The following MRPL37 variants were observed in gnomAD, a reference collection of about 807,000 sequenced individuals.
The protein encoded by MRPL37 is large ribosomal subunit protein mL37.
In MRPL37, 34 loss-of-function variants were observed where a neutral mutation model predicts 44.1. The ratio of observed to expected loss-of-function variants is 0.77; its 90% CI spans 0.59 to 1.03. The LOEUF is 1.03. MRPL37 is among the 50% of genes least tolerant of loss of function. The pLI, the probability that MRPL37 is intolerant of heterozygous loss-of-function variation, is 0.00. For synonymous variants in MRPL37, 212 were observed against 219.5 expected, an observed-to-expected ratio of 0.97 and a Z score of 0.30; for missense variants, 532 against 543.7, an observed-to-expected ratio of 0.98 and a Z score of 0.21.
At chr1:54,205,940 T>A (rs779652143) in intron 3 of MRPL37, among the ~76,000 whole-genome samples, 1 of 152,148 alleles carries the variant, frequency 6.6e-6, no homozygotes, top group African/African-American at 2.4e-5. Flanking sequence ...CCACTTAGTC[T>A]TTCTAGTCTT....
chr1:54,221,598 A>T (rs921909184), downstream of MRPL37, among the ~76,000 whole-genome samples: 5 of 152,152 alleles, frequency 3.3e-5, no homozygotes, highest in African/African-American at 9.7e-5. Flanking sequence ...GTTCACTCTC[A>T]CACACGTGCA....
Position 54,216,193 on chromosome 1 carries a change from A to G in MRPL37, c.1043A>G (p.Asp348Gly), listed in dbSNP as rs1644196161. 6.2e-7 allele frequency: 1 copy of G among 1,614,200 alleles called. No homozygotes were observed. Among genetic ancestry groups the G allele is most frequent in the Non-Finnish European group, 8.5e-7 (1 of 1,180,036 alleles). The change falls in exon 6 of 7, where the codon GAT (aspartate) becomes GGT (glycine). Residue 348 changes from aspartate (D) to glycine (G), a missense_variant. Transcript: ENST00000360840. ...GTGGTGGTGCAGAGCGTGGGCACGG[A>G]TGGACGTGTCTTCCATTTCCTAGTG... is the stretch of plus-strand genomic sequence containing the variant. ...QPVVVQSVGTDGRVFHFLVFQ... is the reference protein window; with the variant it reads ...QPVVVQSVGTGGRVFHFLVFQ...
Position 54,200,168 on chromosome 1 carries a change from T to C in MRPL37, c.-76T>C. ...CCAAAACGAGCTTTGGCGCCCGGTC[T>C]CATTCGTTCCCAGCAGGCCCTGCGC... On this transcript the variant is annotated 5_prime_UTR_variant, in exon 1 of 7. Coordinates refer to ENST00000360840, the MANE Select transcript of MRPL37 (RefSeq NM_016491.4). 1.4e-6 allele frequency: 2 copies of C among 1,415,404 alleles called. No individual in the cohort carries two copies. The highest frequency in any genetic ancestry group is 1.4e-5 in the South Asian group (1 of 73,040). The allele number at this position is 1,415,404 out of a possible 1,614,324, so 87.7% of individuals were successfully genotyped here.
In MRPL37 at chr1:54,209,502, C is replaced by G. The variant is rs537908256; in HGVS notation, c.647-444C>G. On this transcript the variant is annotated intron_variant, in intron 3 of 6. Transcript: ENST00000360840. ...TTTGAGACAGTTTCACTCTGTCACCCAGGCTGGAGTGCAGTGCCGTCATCT... is the reference window on the plus strand; with the variant it reads ...TTTGAGACAGTTTCACTCTGTCACCGAGGCTGGAGTGCAGTGCCGTCATCT... Among the ~76,000 whole-genome samples, 5 of 151,092 alleles carry G rather than the reference C, an allele frequency of 3.3e-5. No homozygotes were observed. In the South Asian group the frequency reaches 8.4e-4, roughly 25 times the overall value.
In MRPL37 at chr1:54,205,245, C is replaced by T. The variant is rs765454084; in HGVS notation, c.530+44C>T. On this transcript the variant is annotated intron_variant, in intron 2 of 6. Transcript: ENST00000360840. ...AGAAGATTTCCTACTAATGGATCTT[C>T]GAGTCGACCTGTTGCTTTAAGTCCC... 79 of 1,607,304 alleles carry T rather than the reference C, an allele frequency of 4.9e-5. No individual in the cohort carries two copies. The East Asian group carries it at 4.9e-4, about 10-fold the overall frequency.
chr1:54,200,863 A>G (rs901846379), intron 1 of MRPL37, among the ~76,000 whole-genome samples: 1 of 152,198 alleles, frequency 6.6e-6, no homozygotes, highest in African/African-American at 2.4e-5. Flanking sequence ...ACTTTGGGCA[A>G]ATGGCTGGCC....
At chr1:54,223,455 A>C (rs908497975), downstream of MRPL37, among the ~76,000 whole-genome samples, 1 of 152,158 alleles carries the variant, frequency 6.6e-6, no homozygotes, top group African/African-American at 2.4e-5. Flanking sequence ...TCCTCAGGTC[A>C]CCAGGGAGCC....
intron 6 of MRPL37, 134 bp downstream of exon 6, chr1:54,216,478 C>T: frequency 2.0e-6 from 2 of 1,024,880 alleles, no homozygotes; most frequent in Non-Finnish European, 2.9e-6. Flanking sequence ...GGGATCTCTG[C>T]CTGGAGGACT....
intron 6 of MRPL37, among the ~76,000 whole-genome samples, chr1:54,217,285 C>T (rs2100516750): frequency 6.6e-6 from 1 of 152,344 alleles, no homozygotes; most frequent in Middle Eastern, 3.4e-3. Flanking sequence ...CCTGCTGGGT[C>T]TGTGCCCTTT....
intron 5 of MRPL37, among the ~76,000 whole-genome samples, chr1:54,213,962 T>A (rs558061485): frequency 1.4e-5 from 2 of 145,610 alleles, no homozygotes; most frequent in African/African-American, 5.1e-5. Flanking sequence ...GTGGGAGGAT[T>A]ACTTGAGGCC....
Position 54,200,596 on chromosome 1 carries a change from C to A in MRPL37, c.346+7C>A. The A allele has an allele frequency of 6.3e-7, 1 of 1,583,922 alleles. No individual in the cohort carries two copies. Among genetic ancestry groups the A allele is most frequent in the Non-Finnish European group, 8.6e-7 (1 of 1,160,532 alleles). On this transcript the variant is annotated splice_region_variant and intron_variant, in intron 1 of 6. Transcript: ENST00000360840. ...CGTTGCCGCCTTCTCGAGGGTGAGG[C>A]CCCAGGACGGGCGGCAAGGGACCGT...
chr1:54,222,325 A>G (rs907759801), downstream of MRPL37, among the ~76,000 whole-genome samples: 2 of 151,596 alleles, frequency 1.3e-5, no homozygotes, highest in South Asian at 2.1e-4. Flanking sequence ...GGCAAGTGGG[A>G]AGGAGGAGGG....
intron 5 of MRPL37, among the ~76,000 whole-genome samples, chr1:54,213,845 C>T (rs11809523): frequency 0.17 from 25,806 of 152,046 alleles, 2,333 homozygotes; most frequent in African/African-American, 0.23. Context: ...GCCAGGAGTT[C>T]GAGACCAGCC....
chr1:54,200,203 T>C lies in MRPL37; in HGVS notation c.-41T>C. On this transcript the variant is annotated 5_prime_UTR_variant, in exon 1 of 7. An upstream start codon of the reference 5' UTR is lost. Coordinates refer to ENST00000360840, the MANE Select transcript of MRPL37 (RefSeq NM_016491.4). ...CCAGCAGGCCCTGCGCGCGGCAACA[T>C]GGCGGGGTCCAGGTGGAGGTCTTGA... 2 of 1,505,004 alleles carry C rather than the reference T, an allele frequency of 1.3e-6. No homozygotes were observed. Among genetic ancestry groups the C allele is most frequent in the Non-Finnish European group, 1.8e-6 (2 of 1,133,964 alleles). The allele number at this position is 1,505,004 out of a possible 1,614,324, so 93.2% of individuals were successfully genotyped here.
At chr1:54,218,724 T>C (rs1414018627), downstream of MRPL37, among the ~76,000 whole-genome samples, 1 of 152,214 alleles carries the variant, frequency 6.6e-6, no homozygotes, top group Non-Finnish European at 1.5e-5. Flanking sequence ...CTCCCTCGTA[T>C]CCTGGTTAAT....
chr1:54,207,796 G>A (rs1314164139), intron 3 of MRPL37, among the ~76,000 whole-genome samples: 1 of 152,192 alleles, frequency 6.6e-6, no homozygotes, highest in Non-Finnish European at 1.5e-5. Context: ...TCCACCCCCA[G>A]ATGTAGTATC....
intron 5 of MRPL37, among the ~76,000 whole-genome samples, chr1:54,214,533 T>C (rs910650172): frequency 2.1e-4 from 32 of 152,170 alleles, no homozygotes; most frequent in African/African-American, 7.7e-4. Flanking sequence ...ACATGATCTC[T>C]CCAGTTTTGA....
intron 6 of MRPL37, among the ~76,000 whole-genome samples, chr1:54,216,596 T>TGCGGCTTCA (rs1246256393): frequency 6.6e-6 from 1 of 152,240 alleles, no homozygotes; most frequent in Non-Finnish European, 1.5e-5. Context: ...CAGGGTGCTC[T>TGCGGCTTCA]GCGGCTTCAT....
Position 54,212,544 on chromosome 1 carries a change from C to T in MRPL37, c.876C>T (p.Tyr292=), listed in dbSNP as rs1467827937. 4 of 1,614,210 alleles carry T rather than the reference C, an allele frequency of 2.5e-6. No homozygotes were observed. Among genetic ancestry groups the T allele is most frequent in the Non-Finnish European group, 3.4e-6 (4 of 1,180,036 alleles). ...GYPYPYPHTL[Y]LLDKANLRPH... ...CTTACCCCTATCCCCATACCCTGTACTTACTGGACAAAGCCAATTTACGAC... is the reference window on the plus strand; with the variant it reads ...CTTACCCCTATCCCCATACCCTGTATTTACTGGACAAAGCCAATTTACGAC... The change falls in exon 5 of 7, where the codon TAC becomes TAT. Residue 292 remains tyrosine, a synonymous_variant. Coordinates refer to ENST00000360840, the MANE Select transcript of MRPL37 (RefSeq NM_016491.4).
Sources: allele counts gnomAD v4.1 joint callset (sites outside exome capture counted in the v4.1 genomes callset), GRCh38; gene constraint gnomAD v4.1.1; transcripts MANE v1.5; gene names NCBI Gene and HGNC (gene_info 2026-07-23, HGNC 2026-07-21).